PTPRG: variants seen among roughly 807,000 people sequenced by gnomAD.
The protein encoded by PTPRG is receptor-type tyrosine-protein phosphatase gamma.
Under a neutral mutation model 165.3 loss-of-function variants are expected in PTPRG, and 102 were observed. That is an observed-to-expected ratio of 0.62 (90% CI 0.53 to 0.73). The LOEUF (loss-of-function observed/expected upper bound fraction) is 0.73. PTPRG is among the 30% of genes least tolerant of loss of function. The pLI, the probability that PTPRG is intolerant of heterozygous loss-of-function variation, is 0.00. For synonymous variants in PTPRG, 675 were observed against 669.5 expected, an observed-to-expected ratio of 1.01 and a Z score of -0.13; for missense variants, 1,866 against 1,861.4, an observed-to-expected ratio of 1.00 and a Z score of -0.05.
intron 1 of PTPRG, among the ~76,000 whole-genome samples, chr3:61,611,720 A>G (rs987103538): frequency 6.6e-6 from 1 of 152,230 alleles, no homozygotes; most frequent in Non-Finnish European, 1.5e-5. Context: ...ACTGCGTTGT[A>G]GTGCAGAAGT....
At chr3:61,935,208 G>A (rs889599868) in intron 2 of PTPRG, among the ~76,000 whole-genome samples, 1 of 152,104 alleles carries the variant, frequency 6.6e-6, no homozygotes, top group Non-Finnish European at 1.5e-5. Context: ...CCCCATCCTT[G>A]TCTCTCACCT....
At chr3:61,619,762 A>G (rs1396797981) in intron 1 of PTPRG, among the ~76,000 whole-genome samples, 1 of 152,200 alleles carries the variant, frequency 6.6e-6, no homozygotes, top group Non-Finnish European at 1.5e-5. Context: ...ATAGCAGGTA[A>G]CTGGTATTGT....
rs1216362893 is a variant in PTPRG, at chr3:62,295,014, C to T, written c.*1707C>T. ...AGTTAAAGAATTTGAATGCAAAGGC[C>T]AGGTCAATGGAGTTTTCATAAACTA... On this transcript the variant is annotated 3_prime_UTR_variant, in exon 30 of 30. Transcript: ENST00000474889. 6.6e-6 allele frequency: 1 copy of T among 152,046 alleles called. No individual in the cohort carries two copies. Among genetic ancestry groups the T allele is most frequent in the Non-Finnish European group, 1.5e-5 (1 of 67,990 alleles). The allele number at this position is 152,046 out of a possible 1,614,324, so 9.4% of individuals were successfully genotyped here. A position where few individuals can be genotyped will look rare whatever the true frequency, so the allele number is the denominator to read the frequency against.
chr3:61,763,318 A>C (rs981255279), intron 2 of PTPRG, among the ~76,000 whole-genome samples: 1 of 151,580 alleles, frequency 6.6e-6, no homozygotes, highest in Admixed American at 6.6e-5. Context: ...GCTCACTGCA[A>C]CCTCCACCTC....
intron 2 of PTPRG, among the ~76,000 whole-genome samples, chr3:61,880,671 G>C (rs2037863862): frequency 1.3e-5 from 2 of 151,334 alleles, no homozygotes; most frequent in South Asian, 4.2e-4. Flanking sequence ...CAGGTGATGA[G>C]GTATGAAGCC....
chr3:61,798,163 C>T (rs1215109353), intron 2 of PTPRG, among the ~76,000 whole-genome samples: 1 of 152,180 alleles, frequency 6.6e-6, no homozygotes, highest in Non-Finnish European at 1.5e-5. Flanking sequence ...CAAAGATTAA[C>T]CCTGCCCAGT....
chr3:62,126,224 T>C (rs1386182764), intron 5 of PTPRG, among the ~76,000 whole-genome samples: 1 of 152,162 alleles, frequency 6.6e-6, no homozygotes, highest in South Asian at 2.1e-4. Context: ...AGATGGTAAA[T>C]ACTCTGGTGG....
rs141260344 is a variant in PTPRG at position 62,119,289 on chromosome 3, C to T, written c.616-13313C>T. Among the ~76,000 whole-genome samples, 13 of 152,306 alleles carry T rather than the reference C, an allele frequency of 8.5e-5. No individual in the cohort carries two copies. The East Asian group carries it at 2.1e-3, about 25-fold the overall frequency. ...TAGGAATTGACAAACAGACTGGTGC[C>T]AGGAAGGAACTAACAAGAGTACTGA... On this transcript the variant is annotated intron_variant, in intron 5 of 29. Coordinates refer to ENST00000474889, the MANE Select transcript of PTPRG (RefSeq NM_002841.4).
At chr3:61,625,230 G>A (rs1299563948) in intron 1 of PTPRG, among the ~76,000 whole-genome samples, 1 of 150,252 alleles carries the variant, frequency 6.7e-6, no homozygotes, top group African/African-American at 2.5e-5. Flanking sequence ...TTTTTTAAGG[G>A]GGGATATGAT....
intron 2 of PTPRG, among the ~76,000 whole-genome samples, chr3:61,951,049 G>A (rs1224741157): frequency 6.6e-6 from 1 of 152,150 alleles, no homozygotes; most frequent in Non-Finnish European, 1.5e-5. Flanking sequence ...TATCATTTTC[G>A]TAAGCAGTAC....
rs190923803 is a variant in PTPRG at position 61,792,217 on chromosome 3, G to C, written c.190+43235G>C. Among the ~76,000 whole-genome samples, 5 of 151,834 alleles carry C rather than the reference G, an allele frequency of 3.3e-5. No homozygotes were observed. In the East Asian group the frequency reaches 5.9e-4, roughly 18 times the overall value. On this transcript the variant is annotated intron_variant, in intron 2 of 29. Coordinates refer to ENST00000474889, the MANE Select transcript of PTPRG (RefSeq NM_002841.4). The stretch of plus-strand genomic sequence containing the variant: ...CTTGAGGCGGGGAGTTGGGGGTGGG[G>C]GAAGGACCAGTTCTTATTCTGTCAC...
At chr3:61,860,434 C>T (rs1449614079) in intron 2 of PTPRG, among the ~76,000 whole-genome samples, 3 of 95,530 alleles carry the variant, frequency 3.1e-5, no homozygotes, top group Non-Finnish European at 3.9e-5. Flanking sequence ...GTTTTTGTTC[C>T]TTTTTTTTTT....
intron 2 of PTPRG, among the ~76,000 whole-genome samples, chr3:61,799,961 G>T (rs2035183365): frequency 6.6e-6 from 1 of 152,132 alleles, no homozygotes; most frequent in South Asian, 2.1e-4. Context: ...GACTAGGGTG[G>T]GTGTGAATTC....
chr3:61,685,290 C>T (rs1008838877), intron 1 of PTPRG, among the ~76,000 whole-genome samples: 2 of 152,176 alleles, frequency 1.3e-5, no homozygotes, highest in Admixed American at 6.5e-5. Context: ...AATGCCTTAT[C>T]GTGGAGGGCA....
chr3:61,592,460 A>G (rs1051466465), intron 1 of PTPRG, among the ~76,000 whole-genome samples: 2 of 152,112 alleles, frequency 1.3e-5, no homozygotes, highest in South Asian at 2.1e-4. Flanking sequence ...CACTGGGGGA[A>G]AAAAGGACTG....
chr3:61,787,857 G>T (rs879281206), intron 2 of PTPRG, among the ~76,000 whole-genome samples: 1 of 151,898 alleles, frequency 6.6e-6, no homozygotes, highest in African/African-American at 2.4e-5. Flanking sequence ...GATACCCCTC[G>T]TTACCCAGTG....
In PTPRG at chr3:62,255,047, G is replaced by A; in HGVS notation, c.2468-77G>A. On this transcript the variant is annotated intron_variant, in intron 15 of 29. Coordinates refer to ENST00000474889, the MANE Select transcript of PTPRG (RefSeq NM_002841.4). The surrounding 1 kb of genome is among the most constrained non-coding windows in gnomAD (Gnocchi z 4.0). ...GCAAAAATCAAGTATTTGTCTTAAG[G>A]ATGCTTTGCTTTATCAGTGTAATTT... The A allele has an allele frequency of 8.1e-7, 1 of 1,229,226 alleles. No homozygotes were observed. The allele number at this position is 1,229,226 out of a possible 1,614,324, so 76.1% of individuals were successfully genotyped here. A position where few individuals can be genotyped will look rare whatever the true frequency, so the allele number is the denominator to read the frequency against.
intron 12 of PTPRG, among the ~76,000 whole-genome samples, chr3:62,206,912 CAAAAAA>C (rs556974355): frequency 1.6e-3 from 61 of 37,334 alleles, no homozygotes; most frequent in African/African-American, 4.0e-3. Flanking sequence ...GACTCTGTCT[CAAAAAA>C]AAAAAAAAAA....
At chr3:61,919,189 A>C (rs891232059) in intron 2 of PTPRG, among the ~76,000 whole-genome samples, 9 of 152,176 alleles carry the variant, frequency 5.9e-5, no homozygotes, top group African/African-American at 2.2e-4. Flanking sequence ...TGGTTTTTAC[A>C]TGGAGTCTAG....
Sources: allele counts gnomAD v4.1 joint callset (sites outside exome capture counted in the v4.1 genomes callset), GRCh38; gene constraint gnomAD v4.1.1; non-coding constraint Gnocchi (gnomAD v3.1); transcripts MANE v1.5; gene names NCBI Gene and HGNC (gene_info 2026-07-23, HGNC 2026-07-21).